PBLD: variants seen among roughly 807,000 people sequenced by gnomAD.
PBLD encodes phenazine biosynthesis like protein domain containing.
Under a neutral mutation model 31.3 loss-of-function variants are expected in PBLD, and 26 were observed. The observed-to-expected ratio is 0.83, with a 90% confidence interval of 0.61 to 1.15. The LOEUF (loss-of-function observed/expected upper bound fraction) is 1.15. Ranked by LOEUF, PBLD falls within the 50% of genes most tolerant of loss-of-function variation. The pLI is 0.00. For synonymous variants in PBLD, 114 were observed against 129.0 expected (o/e 0.88, Z 0.79); for missense variants, 307 against 351.7 (o/e 0.87, Z 1.02).
At chr10:68,324,837 A>G (rs1021532803) in intron 1 of PBLD, among the ~76,000 whole-genome samples, 3 of 147,386 alleles carry the variant, frequency 2.0e-5, no homozygotes, top group African/African-American at 7.4e-5. Flanking sequence ...GCTGGTCTTG[A>G]ACTCCTGACC....
At chr10:68,331,962 T>C (rs1043255123) in intron 1 of PBLD, 4 of 152,342 alleles carry the variant, frequency 2.6e-5, no homozygotes, top group South Asian at 2.1e-4. Flanking sequence ...GCCAGCGCCA[T>C]GCGAAACCGA....
At chr10:68,297,096 G>A (rs191039287) in intron 2 of PBLD, 111 bp from the exon 3 acceptor site, 10 of 831,158 alleles carry the variant, frequency 1.2e-5, no homozygotes, top group African/African-American at 5.1e-5. Context: ...AGAGTTACAC[G>A]CTTAAAAGGA....
At chr10:68,323,488 T>A (rs964075073) in intron 1 of PBLD, among the ~76,000 whole-genome samples, 4 of 152,002 alleles carry the variant, frequency 2.6e-5, no homozygotes, top group African/African-American at 9.7e-5. Flanking sequence ...CTTGAACCCA[T>A]GAGGCAGAGG....
chr10:68,284,364 T>G, intron 9 of PBLD, 75 bp from the exon 10 acceptor site: 1 of 1,299,034 alleles, frequency 7.7e-7, no homozygotes, highest in Non-Finnish European at 1.1e-6. Flanking sequence ...AAAGACTTAT[T>G]ACAAATCTTA....
intron 1 of PBLD, among the ~76,000 whole-genome samples, chr10:68,319,073 A>C (rs968809154): frequency 7.8e-6 from 1 of 128,038 alleles, no homozygotes. Flanking sequence ...GAAAGAAAGA[A>C]AGAAAGAAAG....
In PBLD at chr10:68,296,893, A is replaced by C; in HGVS notation, c.177T>G (p.Phe59Leu). Residue 59 changes from phenylalanine (F) to leucine (L), a missense_variant, in exon 3 of 10, where the codon TTT becomes TTG. By Grantham distance (22) the Phe-to-Leu change is conservative. Coordinates refer to ENST00000358769, the MANE Select transcript of PBLD (RefSeq NM_022129.4). ...FIRKLHPTDN[F>L]AQSSCFGLRW... Reference sequence around the variant, plus strand: ...AAAAAAATGCATATTTACTTTGTGCAAAGTTGTCTGTCGGGTGCAGTTTTC... The same window carrying C: ...AAAAAAATGCATATTTACTTTGTGCCAAGTTGTCTGTCGGGTGCAGTTTTC... The C allele has an allele frequency of 2.5e-6, 4 of 1,612,298 alleles. No individual in the cohort carries two copies. The highest frequency in any genetic ancestry group is 3.4e-6 in the Non-Finnish European group (4 of 1,178,392).
Position 68,283,557 on chromosome 10 carries a change from G to T in PBLD, c.*620C>A, listed in dbSNP as rs189952484. 5 of 152,248 alleles carry T rather than the reference G, an allele frequency of 3.3e-5. No homozygotes were observed. The highest frequency in any genetic ancestry group is 7.3e-5 in the Non-Finnish European group (5 of 68,056). 9.4% of individuals were successfully genotyped at this position (152,248 alleles called of 1,614,324 possible). ...TACTCATTTAAGCTCAAATGGTTTA[G>T]TATCACTCCTCAGAAATGTATTCCT... On this transcript the variant is annotated 3_prime_UTR_variant, in exon 10 of 10. Coordinates refer to ENST00000358769, the MANE Select transcript of PBLD (RefSeq NM_022129.4).
Position 68,309,110 on chromosome 10 carries a change from A to G in PBLD, c.-59-2207T>C, listed in dbSNP as rs1307196391. On this transcript the variant is annotated intron_variant, in intron 1 of 9. Coordinates refer to ENST00000358769, the MANE Select transcript of PBLD (RefSeq NM_022129.4). ...TGTTATTCTGTAGCTGTTAGCACAA[A>G]AGAACCCACTTCATGGCCTGGTGCA... Among the ~76,000 whole-genome samples the G allele has an allele frequency of 4.7e-5, 7 of 150,238 alleles. 1 individual carries two copies. The highest frequency in any genetic ancestry group is 1.7e-4 in the African/African-American group (7 of 40,774).
rs183238397 is a variant in PBLD, at chr10:68,284,272, G to A, written c.772C>T (p.Arg258Ter). 1.9e-5 allele frequency: 31 copies of A among 1,613,782 alleles called. No homozygotes were observed. Among genetic ancestry groups the A allele is most frequent in the Middle Eastern group, 3.3e-4 (2 of 6,062 alleles). The stretch of plus-strand genomic sequence containing the variant: ...AGGGAAATTCCCAGCTCTCCTCCTC[G>A]GTGGGAACACTGAAAAGCTAAAGAA... ...KEMHAFQCSH[R>*]GGELGISLRP... is the part of the protein sequence containing the mutation. Residue 258 changes from arginine (R) to a stop codon, truncating the protein, a stop_gained, in exon 10 of 10, where the codon CGA becomes TGA. Transcript: ENST00000358769. LOFTEE classifies it low-confidence loss of function (END_TRUNC).
At chr10:68,286,082 A>ATTTT (rs1189723188) in intron 8 of PBLD, among the ~76,000 whole-genome samples, 11 of 63,688 alleles carry the variant, frequency 1.7e-4, no homozygotes, top group Admixed American at 3.2e-4. Context: ...CCTTTGAATA[A>ATTTT]TTCTTTTTTT....
intron 1 of PBLD, among the ~76,000 whole-genome samples, chr10:68,315,442 G>C (rs901244121): frequency 1.3e-5 from 2 of 151,782 alleles, no homozygotes; most frequent in Non-Finnish European, 2.9e-5. Flanking sequence ...AAAATCAGCT[G>C]AGCATGGTGG....
chr10:68,289,927 G>A (rs1370495065), intron 6 of PBLD, among the ~76,000 whole-genome samples: 1 of 152,150 alleles, frequency 6.6e-6, no homozygotes, highest in African/African-American at 2.4e-5. Context: ...GCTCTGCTTG[G>A]CAAGCACACC....
chr10:68,308,560 CT>C (rs1268698103), intron 1 of PBLD, among the ~76,000 whole-genome samples: 1 of 138,890 alleles, frequency 7.2e-6, no homozygotes, highest in African/African-American at 2.7e-5. Context: ...TTCTTTCTTT[CT>C]TTTTGGAGAC....
At chr10:68,312,816 T>G (rs2044688812) in intron 1 of PBLD, among the ~76,000 whole-genome samples, 1 of 152,038 alleles carries the variant, frequency 6.6e-6, no homozygotes, top group African/African-American at 2.4e-5. Context: ...TTTCACCATG[T>G]TAGCCAGGAT....
chr10:68,319,103 GAAAGA>G (rs1478080982), intron 1 of PBLD, among the ~76,000 whole-genome samples: 1 of 121,586 alleles, frequency 8.2e-6, no homozygotes, highest in African/African-American at 3.5e-5. Context: ...AAGAAAGAAA[GAAAGA>G]AAGGAAAAAG....
At chr10:68,312,343 CT>C (rs1320027082) in intron 1 of PBLD, among the ~76,000 whole-genome samples, 4 of 152,118 alleles carry the variant, frequency 2.6e-5, no homozygotes, top group Non-Finnish European at 5.9e-5. Flanking sequence ...CTCACCAACA[CT>C]TGTTATCTTG....
Position 68,291,997 on chromosome 10 carries a change from T to C in PBLD, c.423+13A>G, listed in dbSNP as rs1473178418. On this transcript the variant is annotated intron_variant, in intron 6 of 9. Transcript: ENST00000358769. ...ACAAATAACTAGGCTCAGGTTTGAT[T>C]CTTTTTACCAACCTTTATCAAGTCC... 5 of 1,578,422 alleles carry C rather than the reference T, an allele frequency of 3.2e-6. No homozygotes were observed. Among genetic ancestry groups the C allele is most frequent in the Admixed American group, 1.7e-5 (1 of 59,802 alleles).
intron 2 of PBLD, among the ~76,000 whole-genome samples, chr10:68,303,055 A>ATTATTTATTTAT (rs10535286): frequency 4.4e-4 from 66 of 149,684 alleles, no homozygotes; most frequent in African/African-American, 1.3e-3. Flanking sequence ...GACACCATCA[A>ATTATTTATTTAT]TTATTTATTT....
In PBLD at chr10:68,306,865, G is replaced by T; in HGVS notation, c.-21C>A. ...TTCATTTTCCTTGCAAGCTGTTTTTGCAAGTTCTCAAAATTGCTGGTAGCC... is the reference window on the plus strand; with the variant it reads ...TTCATTTTCCTTGCAAGCTGTTTTTTCAAGTTCTCAAAATTGCTGGTAGCC... On this transcript the variant is annotated 5_prime_UTR_variant, in exon 2 of 10. Transcript: ENST00000358769. 6.3e-7 allele frequency: 1 copy of T among 1,592,856 alleles called. No homozygotes were observed. The highest frequency in any genetic ancestry group is 8.6e-7 in the Non-Finnish European group (1 of 1,164,302).
Sources: allele counts gnomAD v4.1 joint callset (sites outside exome capture counted in the v4.1 genomes callset), GRCh38; gene constraint gnomAD v4.1.1; transcripts MANE v1.5; gene names NCBI Gene and HGNC (gene_info 2026-07-23, HGNC 2026-07-21).